Variants in AIG1 observed in about 807,000 individuals in gnomAD.
AIG1 encodes androgen-induced gene 1 protein.
A neutral mutation model predicts 31.4 loss-of-function variants in AIG1; 23 were observed. The observed-to-expected ratio is 0.73, with a 90% CI of 0.53 to 1.04. The LOEUF is 1.04. Ranked by LOEUF, AIG1 falls within the 50% of genes least tolerant of loss-of-function variation. The pLI is 0.00. For synonymous variants in AIG1, 100 were observed against 110.5 expected (o/e 0.90, Z 0.60); for missense variants, 274 against 295.0 (o/e 0.93, Z 0.52).
At chr6:143,242,705 A>G (rs959215038) in intron 3 of AIG1, among the ~76,000 whole-genome samples, 1 of 152,248 alleles carries the variant, frequency 6.6e-6, no homozygotes, top group African/African-American at 2.4e-5. Context: ...TCTCAGAAAG[A>G]TGGCACCTAC....
At chr6:143,194,400 A>G (rs1052488968) in intron 3 of AIG1, among the ~76,000 whole-genome samples, 4 of 152,158 alleles carry the variant, frequency 2.6e-5, no homozygotes, top group Admixed American at 6.5e-5. Flanking sequence ...CTCGACACGT[A>G]GGGGTTATGG....
intron 2 of AIG1, among the ~76,000 whole-genome samples, chr6:143,160,407 T>C (rs1431650480): frequency 6.6e-6 from 1 of 152,244 alleles, no homozygotes; most frequent in African/African-American, 2.4e-5. Context: ...TTGGCATTAA[T>C]TTCCTAGTAG....
intron 4 of AIG1, among the ~76,000 whole-genome samples, chr6:143,307,174 A>G (rs538472486): frequency 6.6e-6 from 1 of 152,150 alleles, no homozygotes; most frequent in Non-Finnish European, 1.5e-5. Flanking sequence ...GAGTAGTTTG[A>G]TTGTCTGAAG....
intron 3 of AIG1, among the ~76,000 whole-genome samples, chr6:143,172,717 C>G (rs988270799): frequency 6.6e-6 from 1 of 151,932 alleles, no homozygotes; most frequent in African/African-American, 2.4e-5. Flanking sequence ...TTGTTGGTAG[C>G]TTTTTATTAC....
downstream of AIG1, among the ~76,000 whole-genome samples, chr6:143,343,695 A>ATG (rs149239062): frequency 4.6e-5 from 7 of 151,570 alleles, no homozygotes; most frequent in Non-Finnish European, 1.0e-4. Context: ...GTGTTTGTGT[A>ATG]TGTGTGTGTG....
chr6:143,282,873 T>C (rs1797435066), intron 3 of AIG1, among the ~76,000 whole-genome samples: 1 of 152,262 alleles, frequency 6.6e-6, no homozygotes, highest in Non-Finnish European at 1.5e-5. Flanking sequence ...TCTATTTTGC[T>C]AGAATGCTTA....
Position 143,284,203 on chromosome 6 carries a change from T to G in AIG1, c.493T>G (p.Phe165Val). The change falls in exon 4 of 6, where the codon TTC becomes GTC. Residue 165 changes from phenylalanine (F) to valine (V), a missense_variant. Physicochemically the swap from Phe to Val is conservative, Grantham distance 50. Coordinates refer to ENST00000357847, the MANE Select transcript of AIG1 (RefSeq NM_016108.4). The surrounding 1 kb of genome is among the most constrained non-coding windows in gnomAD (Gnocchi z 4.4). ...CAGCGGACTTACCGCCATATGTACC[T>G]TCTCTGTTGGCTATATATTATGGTA... ...RSSGLTAICT[F>V]SVGYILWVCW... 6.2e-7 allele frequency: 1 copy of G among 1,612,820 alleles called. No individual in the cohort carries two copies. Among genetic ancestry groups the G allele is most frequent in the African/African-American group, 1.3e-5 (1 of 75,040 alleles).
intron 3 of AIG1, among the ~76,000 whole-genome samples, chr6:143,207,138 T>G (rs977752671): frequency 2.0e-5 from 3 of 152,138 alleles, no homozygotes. Flanking sequence ...TATCTTCTTT[T>G]TGTGAATGCA....
At chr6:143,305,734 A>G (rs984995896) in intron 4 of AIG1, among the ~76,000 whole-genome samples, 2 of 152,132 alleles carry the variant, frequency 1.3e-5, no homozygotes, top group African/African-American at 4.8e-5. Flanking sequence ...GTAGATGTCT[A>G]TTAGGTCCAC....
At chr6:143,173,975 T>A (rs937615264) in intron 3 of AIG1, among the ~76,000 whole-genome samples, 2 of 152,236 alleles carry the variant, frequency 1.3e-5, no homozygotes, top group Non-Finnish European at 2.9e-5. Context: ...TCTAGTGCTG[T>A]CAGTGGAGTA....
chr6:143,090,504 G>C (rs529724541), intron 1 of AIG1, among the ~76,000 whole-genome samples: 1 of 152,298 alleles, frequency 6.6e-6, no homozygotes, highest in South Asian at 2.1e-4. Flanking sequence ...ACCTTGGTGA[G>C]ATTGTGGGTT....
At chr6:143,135,979 A>T (rs900094340) in intron 1 of AIG1, among the ~76,000 whole-genome samples, 2 of 152,118 alleles carry the variant, frequency 1.3e-5, no homozygotes, top group Non-Finnish European at 2.9e-5. Context: ...AATTTGAATG[A>T]TCATCTATCT....
intron 3 of AIG1, among the ~76,000 whole-genome samples, chr6:143,218,637 A>C (rs1343876571): frequency 6.6e-6 from 1 of 152,206 alleles, no homozygotes; most frequent in Non-Finnish European, 1.5e-5. Flanking sequence ...CAAAAACTTG[A>C]GTGTAGATAG....
chr6:143,098,634 G>A (rs1349441068), intron 1 of AIG1, among the ~76,000 whole-genome samples: 1 of 152,052 alleles, frequency 6.6e-6, no homozygotes, highest in Non-Finnish European at 1.5e-5. Flanking sequence ...CTATATTCTT[G>A]TATCTAACCA....
chr6:143,343,644 C>A (rs189219147), downstream of AIG1, among the ~76,000 whole-genome samples: 352 of 152,200 alleles, frequency 2.3e-3, 2 homozygotes, highest in Non-Finnish European at 3.8e-3. Flanking sequence ...GCAAGGATAG[C>A]AGAATGCCCT....
chr6:143,271,453 A>G (rs1201513662), intron 3 of AIG1, among the ~76,000 whole-genome samples: 3 of 152,240 alleles, frequency 2.0e-5, no homozygotes, highest in Non-Finnish European at 2.9e-5. Flanking sequence ...TATAGATTTT[A>G]TAATGTCTCC....
intron 3 of AIG1, among the ~76,000 whole-genome samples, chr6:143,249,013 A>G (rs1045960050): frequency 1.3e-5 from 2 of 152,228 alleles, no homozygotes; most frequent in Admixed American, 1.3e-4. Flanking sequence ...TTGGTTTGTA[A>G]GAGGGGCTGT....
intron 4 of AIG1, among the ~76,000 whole-genome samples, chr6:143,294,667 T>C (rs1470929443): frequency 1.3e-5 from 2 of 152,226 alleles, no homozygotes; most frequent in Non-Finnish European, 2.9e-5. Flanking sequence ...ATGTCACCAG[T>C]GACTTCTCCT....
chr6:143,242,695 T>A lies in AIG1; in HGVS notation c.400-41415T>A, dbSNP rs140316060. On this transcript the variant is annotated intron_variant, in intron 3 of 5. Coordinates refer to ENST00000357847, the MANE Select transcript of AIG1 (RefSeq NM_016108.4). ...GCTGAGTCACCACATGCCCAAGAAGTCTCAGAAAGATGGCACCTACAGATA... is the reference window on the plus strand; with the variant it reads ...GCTGAGTCACCACATGCCCAAGAAGACTCAGAAAGATGGCACCTACAGATA... Among the ~76,000 whole-genome samples, 229 of 152,310 alleles carry A rather than the reference T, an allele frequency of 1.5e-3. 3 individuals are homozygous for A. The East Asian group carries it at 0.04, about 26-fold the overall frequency.
Sources: gnomAD v4.1 joint callset for allele counts (sites outside exome capture counted in the v4.1 genomes callset) on GRCh38, gnomAD v4.1.1 for gene constraint, Gnocchi (gnomAD v3.1) non-coding constraint, MANE v1.5 for transcripts, NCBI Gene and HGNC (gene_info 2026-07-23, HGNC 2026-07-21) for gene names.